RANBP17: variants seen among roughly 807,000 people sequenced by gnomAD.
The protein encoded by RANBP17 is ran-binding protein 17.
A neutral mutation model predicts 141.2 loss-of-function variants in RANBP17; 158 were observed. The ratio of observed to expected loss-of-function variants is 1.12; its 90% CI spans 0.98 to 1.28. The LOEUF (loss-of-function observed/expected upper bound fraction) is 1.28, where lower values mean the gene tolerates loss of function less well. RANBP17 is among the 50% of genes most tolerant of loss of function. The pLI, the probability that RANBP17 is intolerant of heterozygous loss-of-function variation, is 0.00. For synonymous variants in RANBP17, 430 were observed against 450.0 expected, an observed-to-expected ratio of 0.96 and a Z score of 0.56; for missense variants, 1,438 against 1,290.7, an observed-to-expected ratio of 1.11 and a Z score of -1.75.
At chr5:171,061,128 A>T (rs111806166) in intron 14 of RANBP17, among the ~76,000 whole-genome samples, 2 of 151,846 alleles carry the variant, frequency 1.3e-5, no homozygotes, top group African/African-American at 4.8e-5. Context: ...GGATTCATTG[A>T]TTTTTGGAAG....
intron 19 of RANBP17, among the ~76,000 whole-genome samples, chr5:171,203,686 A>G (rs535103816): frequency 2.3e-4 from 35 of 152,298 alleles, no homozygotes; most frequent in Admixed American, 2.0e-3. Flanking sequence ...TGATAAAATA[A>G]AAATTAATAT....
Position 170,872,192 on chromosome 5 carries a change from T to C in RANBP17, c.19-5905T>C, listed in dbSNP as rs375184933. ...CATTTTTTTGTGTCCTCTCATTTCC[T>C]CGAGCAGTGGTTTATACTTCTTCTT... On this transcript the variant is annotated intron_variant, in intron 1 of 27. Coordinates refer to ENST00000523189, the MANE Select transcript of RANBP17 (RefSeq NM_022897.5). 5.3e-5 allele frequency among the ~76,000 whole-genome samples: 8 copies of C among 152,336 alleles called. No homozygotes were observed. In the East Asian group the frequency reaches 1.5e-3, roughly 29 times the overall value.
chr5:170,925,721 TACC>T (rs541987133), intron 12 of RANBP17, among the ~76,000 whole-genome samples: 12 of 152,276 alleles, frequency 7.9e-5, no homozygotes, highest in African/African-American at 2.4e-4. Flanking sequence ...TCTTCATTAT[TACC>T]ACATGTGTAT....
At chr5:171,231,132 G>A (rs558651533) in intron 22 of RANBP17, among the ~76,000 whole-genome samples, 4 of 135,996 alleles carry the variant, frequency 2.9e-5, no homozygotes, top group East Asian at 2.2e-4. Context: ...ATTTTAAGTC[G>A]AGATAGGGCC....
At chr5:171,252,388 A>C in intron 24 of RANBP17, 1 of 1,535,896 alleles carries the variant, frequency 6.5e-7, no homozygotes, top group Non-Finnish European at 9.0e-7. Flanking sequence ...TGAAACTATG[A>C]GCAGCAAAGA....
intron 25 of RANBP17, among the ~76,000 whole-genome samples, chr5:171,286,501 A>G (rs761483396): frequency 6.6e-6 from 1 of 152,224 alleles, no homozygotes; most frequent in Non-Finnish European, 1.5e-5. Flanking sequence ...TTTTATATAT[A>G]GATAATTTTA....
intron 20 of RANBP17, among the ~76,000 whole-genome samples, chr5:171,211,189 T>C (rs918203707): frequency 4.6e-5 from 7 of 152,110 alleles, no homozygotes; most frequent in Non-Finnish European, 1.0e-4. Flanking sequence ...ATTTTTGTTA[T>C]TTTCATCCAA....
intron 14 of RANBP17, among the ~76,000 whole-genome samples, chr5:171,091,725 A>G (rs745429028): frequency 6.6e-6 from 1 of 152,136 alleles, no homozygotes; most frequent in Non-Finnish European, 1.5e-5. Context: ...AAGTCTCATG[A>G]GATCTGATGG....
intron 14 of RANBP17, among the ~76,000 whole-genome samples, chr5:171,147,401 G>GTT (rs33983934): frequency 0.031 from 3,191 of 103,850 alleles, 220 homozygotes; most frequent in East Asian, 0.14. Flanking sequence ...TTTTTTGTGT[G>GTT]TTTTTTTTTT....
chr5:171,264,539 G>A (rs1231950303), intron 24 of RANBP17, among the ~76,000 whole-genome samples: 2 of 152,172 alleles, frequency 1.3e-5, no homozygotes, highest in Admixed American at 1.3e-4. Context: ...GTCCTCACCT[G>A]TAAATGGAGA....
chr5:170,946,513 A>G (rs1024786474), intron 12 of RANBP17, among the ~76,000 whole-genome samples: 2 of 152,262 alleles, frequency 1.3e-5, no homozygotes, highest in Non-Finnish European at 2.9e-5. Context: ...ACTAATTGTC[A>G]TTGTTTGGTA....
At chr5:171,006,026 C>G (rs1273429927) in intron 14 of RANBP17, among the ~76,000 whole-genome samples, 1 of 152,050 alleles carries the variant, frequency 6.6e-6, no homozygotes, top group Non-Finnish European at 1.5e-5. Context: ...CAGAGAAATG[C>G]AAATCAAAAC....
chr5:171,089,278 A>AGGGGT (rs1304162344), intron 14 of RANBP17, among the ~76,000 whole-genome samples: 13 of 98,308 alleles, frequency 1.3e-4, no homozygotes, highest in African/African-American at 4.0e-4. Flanking sequence ...CTCGGGGGTC[A>AGGGGT]CGGGTCAGGG....
At position 170,968,389 on chromosome 5, in the gene RANBP17, C is replaced by T; in HGVS notation, c.1710+12C>T. On this transcript the variant is annotated intron_variant, in intron 14 of 27. Coordinates refer to ENST00000523189, the MANE Select transcript of RANBP17 (RefSeq NM_022897.5). Reference sequence around the variant, plus strand: ...AAAGAACCTCAAAGGTAGGTTTCTACTAGAGAGTTTAAAACATGTTATTGG... The same window carrying T: ...AAAGAACCTCAAAGGTAGGTTTCTATTAGAGAGTTTAAAACATGTTATTGG... 1 of 1,601,090 alleles carries T rather than the reference C, an allele frequency of 6.2e-7. No homozygotes were observed. Among genetic ancestry groups the T allele is most frequent in the Non-Finnish European group, 8.5e-7 (1 of 1,173,506 alleles).
At chr5:170,983,715 T>C (rs1210234355) in intron 14 of RANBP17, among the ~76,000 whole-genome samples, 1 of 152,224 alleles carries the variant, frequency 6.6e-6, no homozygotes, top group East Asian at 1.9e-4. Flanking sequence ...TGTATAATTT[T>C]AGTAGAAATA....
intron 14 of RANBP17, among the ~76,000 whole-genome samples, chr5:171,117,758 G>T (rs1755739808): frequency 6.6e-6 from 1 of 152,104 alleles, no homozygotes; most frequent in South Asian, 2.1e-4. Context: ...CTCCCAGAGT[G>T]CTGGGATTAC....
chr5:171,086,085 A>ATAT (rs1437137623), intron 14 of RANBP17, among the ~76,000 whole-genome samples: 5 of 131,370 alleles, frequency 3.8e-5, no homozygotes, highest in Non-Finnish European at 8.0e-5. Context: ...ATTCAGTATG[A>ATAT]TATTGGCTGT....
At chr5:170,910,651 TAAA>T in intron 6 of RANBP17, 1 of 215,872 alleles carries the variant, frequency 4.6e-6, no homozygotes, top group Non-Finnish European at 9.3e-6. Context: ...ACAATATATC[TAAA>T]AGGTATAATT....
chr5:171,268,022 G>A (rs1409772054), intron 25 of RANBP17, among the ~76,000 whole-genome samples: 2 of 152,116 alleles, frequency 1.3e-5, no homozygotes, highest in Non-Finnish European at 2.9e-5. Flanking sequence ...AAGGGCTGTA[G>A]ACTTATAATT....
Sources: allele counts gnomAD v4.1 joint callset (sites outside exome capture counted in the v4.1 genomes callset), GRCh38; gene constraint gnomAD v4.1.1; transcripts MANE v1.5; gene names NCBI Gene and HGNC (gene_info 2026-07-23, HGNC 2026-07-21).